CRACR2A: variants seen among roughly 807,000 people sequenced by gnomAD.
CRACR2A encodes the protein EF-hand calcium-binding domain-containing protein 4B.
In CRACR2A, 79 loss-of-function variants were observed where a neutral mutation model predicts 90.5. The observed-to-expected ratio is 0.87, with a 90% confidence interval of 0.73 to 1.05. The LOEUF is 1.05. Among genes scored for constraint, CRACR2A ranks in the 50% least tolerant of loss-of-function variants. The pLI, the probability that CRACR2A is intolerant of heterozygous loss-of-function variation, is 0.00. For missense variants in CRACR2A, 823 were observed against 897.2 expected, an observed-to-expected ratio of 0.92 and a Z score of 1.06; for synonymous variants, 338 against 356.7, an observed-to-expected ratio of 0.95 and a Z score of 0.59.
chr12:3,652,515 T>C (rs1235669819), intron 10 of CRACR2A, among the ~76,000 whole-genome samples: 1 of 152,062 alleles, frequency 6.6e-6, no homozygotes, highest in Admixed American at 6.5e-5. Flanking sequence ...AGCTCAAACA[T>C]GTCTCCTTCC....
chr12:3,653,488 C>T (rs2137458698), intron 10 of CRACR2A, among the ~76,000 whole-genome samples: 1 of 152,286 alleles, frequency 6.6e-6, no homozygotes, highest in Admixed American at 6.5e-5. Context: ...CTAATACTCC[C>T]AAGACAAGAT....
chr12:3,641,067 C>T (rs887200770), intron 13 of CRACR2A, among the ~76,000 whole-genome samples: 27 of 152,092 alleles, frequency 1.8e-4, no homozygotes, highest in Admixed American at 1.6e-3. Flanking sequence ...GTGCATTGGC[C>T]GGGCACGGTG....
At chr12:3,640,909 TG>T in intron 13 of CRACR2A, 1 of 1,038,888 alleles carries the variant, frequency 9.6e-7, no homozygotes. Context: ...AAATGTGTTA[TG>T]TTTGAGTTAA....
chr12:3,639,530 G>A (rs1171805482), intron 13 of CRACR2A, among the ~76,000 whole-genome samples: 1 of 142,114 alleles, frequency 7.0e-6, no homozygotes, highest in Non-Finnish European at 1.5e-5. Flanking sequence ...GGATGAAGCA[G>A]TGGGGTGATA....
chr12:3,641,902 G>T, intron 12 of CRACR2A, 64 bp from the exon 13 acceptor site: 1 of 1,423,994 alleles, frequency 7.0e-7, no homozygotes, highest in Non-Finnish European at 9.7e-7. Context: ...ACAGAAAAGG[G>T]CTCATGGTTC....
rs375574366 is a variant in CRACR2A at position 3,679,036 on chromosome 12, G to A, written c.403C>T (p.Arg135Cys). ...GACAGATACACCTTCTCTTCATGGCGCTGGGCCACCTGTTCACCTGCATCT... is the reference window on the plus strand; with the variant it reads ...GACAGATACACCTTCTCTTCATGGCACTGGGCCACCTGTTCACCTGCATCT... ...QEDAGEQVAQ[R>C]HEEKVYLSRG... Residue 135 changes from arginine to cysteine, a missense_variant, in exon 6 of 20, where the codon CGC (arginine) becomes TGC (cysteine). Arg to Cys is a radical substitution (Grantham distance 180). Transcript: ENST00000440314. 232 of 1,613,848 alleles carry A rather than the reference G, an allele frequency of 1.4e-4. No individual in the cohort carries two copies. The highest frequency in any genetic ancestry group is 9.6e-4 in the South Asian group (87 of 91,018).
At chr12:3,649,523 T>C (rs1944757559) in intron 10 of CRACR2A, among the ~76,000 whole-genome samples, 1 of 152,190 alleles carries the variant, frequency 6.6e-6, no homozygotes, top group African/African-American at 2.4e-5. Flanking sequence ...TTCTCTGACT[T>C]ATGATCCAGC....
intron 10 of CRACR2A, 47 bp downstream of exon 10, chr12:3,654,165 G>C: frequency 1.3e-6 from 2 of 1,590,152 alleles, no homozygotes; most frequent in Non-Finnish European, 1.7e-6. Context: ...CCATAGTGGG[G>C]AGTGGTGCGG....
intron 3 of CRACR2A, among the ~76,000 whole-genome samples, chr12:3,704,152 A>T (rs1475757041): frequency 6.6e-6 from 1 of 152,238 alleles, no homozygotes; most frequent in Non-Finnish European, 1.5e-5. Flanking sequence ...ATAGCAAAAA[A>T]CAATGACCCA....
chr12:3,713,638 T>C (rs1368889384), intron 2 of CRACR2A, among the ~76,000 whole-genome samples: 3 of 152,172 alleles, frequency 2.0e-5, no homozygotes, highest in Admixed American at 2.0e-4. Flanking sequence ...CCAGCAGAGC[T>C]CCAGCTCTCA....
At chr12:3,678,060 C>A (rs1045828336) in intron 6 of CRACR2A, among the ~76,000 whole-genome samples, 1 of 152,164 alleles carries the variant, frequency 6.6e-6, no homozygotes, top group Admixed American at 6.5e-5. Flanking sequence ...CATTCCCACA[C>A]TACAGGAAAC....
chr12:3,709,821 T>C (rs1439729298), intron 3 of CRACR2A, among the ~76,000 whole-genome samples: 1 of 152,242 alleles, frequency 6.6e-6, no homozygotes, highest in Non-Finnish European at 1.5e-5. Context: ...TTTCTTTATC[T>C]GTACAATGAG....
intron 1 of CRACR2A, among the ~76,000 whole-genome samples, chr12:3,741,252 C>T (rs1946521492): frequency 6.6e-6 from 1 of 152,176 alleles, no homozygotes. Context: ...CCCCTTCCTA[C>T]TTCCTCCTGA....
chr12:3,705,242 A>C (rs1945897642), intron 3 of CRACR2A, among the ~76,000 whole-genome samples: 1 of 152,206 alleles, frequency 6.6e-6, no homozygotes, highest in African/African-American at 2.4e-5. Flanking sequence ...CTCCCTCCAG[A>C]ATGATTCCAT....
At chr12:3,675,553 T>C (rs1390433520) in intron 6 of CRACR2A, among the ~76,000 whole-genome samples, 1 of 152,178 alleles carries the variant, frequency 6.6e-6, no homozygotes, top group East Asian at 1.9e-4. Context: ...CTCCCAAATA[T>C]GATATTAAAT....
chr12:3,735,601 C>A (rs1183915779), intron 1 of CRACR2A, among the ~76,000 whole-genome samples: 1 of 152,182 alleles, frequency 6.6e-6, no homozygotes, highest in African/African-American at 2.4e-5. Flanking sequence ...CAAGGATTAG[C>A]CCCATTTTAT....
chr12:3,738,250 AT>A (rs910180945), intron 1 of CRACR2A, among the ~76,000 whole-genome samples: 1 of 151,854 alleles, frequency 6.6e-6, no homozygotes, highest in African/African-American at 2.4e-5. Flanking sequence ...TCTTATATAA[AT>A]TTTTTTTTAA....
chr12:3,709,764 G>A (rs1945981573), intron 3 of CRACR2A, among the ~76,000 whole-genome samples: 1 of 152,234 alleles, frequency 6.6e-6, no homozygotes, highest in South Asian at 2.1e-4. Context: ...GCGACAGAGC[G>A]AGACTCCGTC....
intron 7 of CRACR2A, among the ~76,000 whole-genome samples, chr12:3,671,214 C>A (rs1014244742): frequency 3.3e-5 from 5 of 152,026 alleles, no homozygotes; most frequent in African/African-American, 1.2e-4. Context: ...TGGGTAATTG[C>A]CCACTGTTTC....
Sources: allele counts gnomAD v4.1 joint callset (sites outside exome capture counted in the v4.1 genomes callset), GRCh38; gene constraint gnomAD v4.1.1; transcripts MANE v1.5; gene names NCBI Gene and HGNC (gene_info 2026-07-23, HGNC 2026-07-21).